SPAG16: variants seen among roughly 807,000 people sequenced by gnomAD.
SPAG16 encodes sperm associated antigen 16, also known as sperm-associated antigen 16 protein.
SPAG16 carries 86 observed loss-of-function variants against 80.4 expected under a neutral mutation model. That is an observed-to-expected ratio of 1.07 (90% CI 0.90 to 1.28). The LOEUF is 1.28. Among genes scored for constraint, SPAG16 ranks in the 50% most tolerant of loss-of-function variants. SPAG16 has a pLI of 0.00. For synonymous variants in SPAG16, 294 were observed against 265.9 expected, an observed-to-expected ratio of 1.11 and a Z score of -1.03; for missense variants, 870 against 765.3, an observed-to-expected ratio of 1.14 and a Z score of -1.61.
At chr2:213,336,584 A>T (rs986460072) in intron 5 of SPAG16, among the ~76,000 whole-genome samples, 2 of 152,186 alleles carry the variant, frequency 1.3e-5, no homozygotes, top group Non-Finnish European at 2.9e-5. Flanking sequence ...CTGGACTAGG[A>T]GCAATTCCCC....
chr2:213,426,832 TACATACACACAC>T lies in SPAG16; in HGVS notation c.942+51717_942+51728del, dbSNP rs1270154484. Among the ~76,000 whole-genome samples the T allele has an allele frequency of 5.6e-3, 366 of 65,336 alleles. 4 individuals carry two copies. The highest frequency in any genetic ancestry group is 9.8e-3 in the African/African-American group (204 of 20,778). The allele number at this position is 65,336 out of a possible 152,430, so 42.9% of individuals were successfully genotyped here. On this transcript the variant is annotated intron_variant, in intron 9 of 15. Coordinates refer to ENST00000331683, the MANE Select transcript of SPAG16 (RefSeq NM_024532.5). The stretch of plus-strand genomic sequence containing the variant: ...GAACTTTTTCAAAAGATTATTCTGA[TACATACACACAC>T]ACACACACACACACACACACACACA...
chr2:213,894,638 T>C, intron 11 of SPAG16, among the ~76,000 whole-genome samples: 1 of 152,020 alleles, frequency 6.6e-6, no homozygotes, highest in African/African-American at 2.4e-5. Flanking sequence ...AGTATCCAAA[T>C]TGGAATGGAA....
At chr2:214,348,533 T>C (rs916335105) in intron 15 of SPAG16, among the ~76,000 whole-genome samples, 1 of 152,220 alleles carries the variant, frequency 6.6e-6, no homozygotes, top group Non-Finnish European at 1.5e-5. Context: ...GCTGCTTTTT[T>C]ATTTGCTGAA....
chr2:214,115,675 G>A (rs1217016509), intron 14 of SPAG16, among the ~76,000 whole-genome samples: 10 of 151,998 alleles, frequency 6.6e-5, no homozygotes, highest in African/African-American at 1.9e-4. Context: ...TCAGGAGATC[G>A]AGACCATCCT....
In SPAG16 at chr2:214,023,450, A is replaced by G. The variant is rs183176406; in HGVS notation, c.1527+9373A>G. On this transcript the variant is annotated intron_variant, in intron 13 of 15. Coordinates refer to ENST00000331683, the MANE Select transcript of SPAG16 (RefSeq NM_024532.5). ...ATACTTTATGTGTTTTCTAAAATGCATAAGATTTTCAGAACTTACAGTCAT... is the reference window on the plus strand; with the variant it reads ...ATACTTTATGTGTTTTCTAAAATGCGTAAGATTTTCAGAACTTACAGTCAT... Among the ~76,000 whole-genome samples the G allele has an allele frequency of 2.4e-3, 363 of 151,870 alleles. 1 individual carries two copies. The highest frequency in any genetic ancestry group is 8.5e-3 in the African/African-American group (351 of 41,522).
chr2:213,506,688 G>C (rs941643058), intron 10 of SPAG16, among the ~76,000 whole-genome samples: 1 of 152,016 alleles, frequency 6.6e-6, no homozygotes, highest in South Asian at 2.1e-4. Context: ...AATATAAATT[G>C]GGATGCCTTA....
At chr2:213,747,650 A>T (rs2067889043) in intron 10 of SPAG16, among the ~76,000 whole-genome samples, 1 of 152,238 alleles carries the variant, frequency 6.6e-6, no homozygotes, top group South Asian at 2.1e-4. Context: ...ACAGGTTTGT[A>T]GGCTAGGAGC....
At chr2:213,450,685 C>T (rs1408980455) in intron 9 of SPAG16, among the ~76,000 whole-genome samples, 3 of 151,994 alleles carry the variant, frequency 2.0e-5, no homozygotes, top group Non-Finnish European at 4.4e-5. Context: ...TGATTTTTAG[C>T]ATTATGTGTT....
chr2:213,660,838 G>T (rs550112761), intron 10 of SPAG16, among the ~76,000 whole-genome samples: 1 of 152,186 alleles, frequency 6.6e-6, no homozygotes, highest in African/African-American at 2.4e-5. Flanking sequence ...TACAGCTGTC[G>T]ATCATGTGCT....
At chr2:214,377,602 G>C (rs1700206102) in intron 15 of SPAG16, among the ~76,000 whole-genome samples, 1 of 151,550 alleles carries the variant, frequency 6.6e-6, no homozygotes. Context: ...CTAATCGACT[G>C]TTTACGTTAT....
At chr2:214,114,441 G>C (rs755331897) in intron 14 of SPAG16, among the ~76,000 whole-genome samples, 1 of 152,220 alleles carries the variant, frequency 6.6e-6, no homozygotes, top group South Asian at 2.1e-4. Context: ...CACAGAGGTT[G>C]AGTCTATAGA....
intron 15 of SPAG16, among the ~76,000 whole-genome samples, chr2:214,331,363 C>T (rs1285854491): frequency 2.0e-5 from 3 of 152,104 alleles, no homozygotes; most frequent in Non-Finnish European, 2.9e-5. Flanking sequence ...TTCTTCTGGG[C>T]CGTTGGCATG....
chr2:214,077,809 A>T (rs534968064), intron 13 of SPAG16, among the ~76,000 whole-genome samples: 1 of 152,328 alleles, frequency 6.6e-6, no homozygotes, highest in African/African-American at 2.4e-5. Context: ...GATTAGTCAG[A>T]GTCATAGTTT....
At chr2:213,377,954 G>T (rs1473080818) in intron 9 of SPAG16, among the ~76,000 whole-genome samples, 1 of 150,702 alleles carries the variant, frequency 6.6e-6, no homozygotes, top group African/African-American at 2.4e-5. Context: ...TATATATGGG[G>T]AGTTTATTAA....
In SPAG16 at chr2:213,673,182, A is replaced by G. The variant is rs192448862; in HGVS notation, c.1070+183092A>G. On this transcript the variant is annotated intron_variant, in intron 10 of 15. Coordinates refer to ENST00000331683, the MANE Select transcript of SPAG16 (RefSeq NM_024532.5). ...TTATCAGACTGCCACAGCATTTGGT[A>G]ACCTCTATAACTGTATTTTTCTGAC... is the stretch of plus-strand genomic sequence containing the variant. 2.6e-5 allele frequency among the ~76,000 whole-genome samples: 4 copies of G among 152,284 alleles called. No homozygotes were observed. The East Asian group carries it at 7.7e-4, about 29-fold the overall frequency.
chr2:213,841,232 G>A (rs185257164), intron 10 of SPAG16, among the ~76,000 whole-genome samples: 119 of 152,282 alleles, frequency 7.8e-4, no homozygotes, highest in Admixed American at 1.3e-3. Context: ...CATGAGAGTA[G>A]TGGGTTGGTG....
intron 12 of SPAG16, among the ~76,000 whole-genome samples, chr2:213,952,608 T>C (rs952509065): frequency 6.6e-6 from 1 of 151,698 alleles, no homozygotes; most frequent in African/African-American, 2.4e-5. Flanking sequence ...TTTGAAAGAG[T>C]CAGAACTAAA....
chr2:214,211,004 C>T (rs1023099407), intron 15 of SPAG16, among the ~76,000 whole-genome samples: 2 of 151,974 alleles, frequency 1.3e-5, no homozygotes, highest in African/African-American at 4.8e-5. Flanking sequence ...AAGCAATGAA[C>T]GTTATGCACC....
At chr2:214,000,160 C>T (rs1365776801) in intron 12 of SPAG16, among the ~76,000 whole-genome samples, 1 of 152,004 alleles carries the variant, frequency 6.6e-6, no homozygotes, top group Non-Finnish European at 1.5e-5. Context: ...TGTGTCCCCA[C>T]CCACATCTCA....
Sources: allele counts gnomAD v4.1 joint callset (sites outside exome capture counted in the v4.1 genomes callset), GRCh38; gene constraint gnomAD v4.1.1; transcripts MANE v1.5; gene names NCBI Gene and HGNC (gene_info 2026-07-23, HGNC 2026-07-21).